Variants in TRIM66 observed in about 807,000 individuals in gnomAD.
TRIM66 encodes the protein tripartite motif containing 66, also known as tripartite motif-containing protein 66.
Under a neutral mutation model 148.2 loss-of-function variants are expected in TRIM66, and 99 were observed. That is an observed-to-expected ratio of 0.67 (90% confidence interval 0.57 to 0.79). The LOEUF is 0.79. Ranked by LOEUF, TRIM66 falls within the 30% of genes least tolerant of loss-of-function variation. The pLI is 0.00. For missense variants in TRIM66, 1,666 were observed against 1,697.9 expected (o/e 0.98, Z 0.33); for synonymous variants, 616 against 635.9 (o/e 0.97, Z 0.47).
rs1192423531 is a variant in TRIM66, at chr11:8,640,629, C to T, written c.1746G>A (p.Gln582=). The T allele has an allele frequency of 6.4e-7, 1 of 1,551,476 alleles. No homozygotes were observed. Among genetic ancestry groups the T allele is most frequent in the Non-Finnish European group, 8.7e-7 (1 of 1,147,004 alleles). ...GCTTCAGCTTCTGGTGGTGGCCAAA[C>T]TGGACTTGGATAGAGGGTGTCTGTA... ...PTLQTPSIQV[Q]FGHHQKLKLS... Residue 582 remains glutamine, a synonymous_variant, in exon 14 of 25, where the codon CAG becomes CAA. Transcript: ENST00000646038.
Position 8,645,843 on chromosome 11 carries a change from C to T in TRIM66, c.1002G>A (p.Gln334=). The T allele has an allele frequency of 1.3e-6, 2 of 1,551,738 alleles. No homozygotes were observed. Among genetic ancestry groups the T allele is most frequent in the Non-Finnish European group, 8.7e-7 (1 of 1,147,006 alleles). The change falls in exon 12 of 25, where the codon CAG becomes CAA. Residue 334 remains glutamine (Q), a synonymous_variant. Transcript: ENST00000646038. The part of the protein sequence containing the change: ...ERKRKLEQQL[Q]SIMVLNRQFE... ...ACTGACGGTTGAGAACCATGATGCT[C>T]TGTAACTGCTGTTCCAGCTTCCGCT...
rs1396355494 is a variant in TRIM66, at chr11:8,621,707, G to C, written c.3193C>G (p.Gln1065Glu). 7.1e-6 allele frequency: 11 copies of C among 1,551,738 alleles called. No individual in the cohort carries two copies. Among genetic ancestry groups the C allele is most frequent in the Middle Eastern group, 1.7e-4 (1 of 5,988 alleles). Residue 1065 changes from glutamine to glutamate, a missense_variant, in exon 19 of 25, where the codon CAG (glutamine) becomes GAG (glutamate). Coordinates refer to ENST00000646038, the MANE Select transcript of TRIM66 (RefSeq NM_001388022.1). ...VFKLKPQKND[Q>E]DGSFLLIIEC... The stretch of plus-strand genomic sequence containing the variant: ...ATGATCAGCAGGAAGCTCCCATCCT[G>C]ATCATTCTTCTGTGGCTTCAGTTTG...
chr11:8,620,671 C>T (rs7950166), intron 20 of TRIM66, 99 bp from the exon 21 acceptor site: 906,534 of 1,465,104 alleles, frequency 0.62, 283,377 homozygotes, highest in Non-Finnish European at 0.64. Flanking sequence ...ACTGAGTCTC[C>T]GGCTTTGCCG....
Position 8,617,063 on chromosome 11 carries a change from CT to C in TRIM66, c.*880del, listed in dbSNP as rs1285518587. The C allele has an allele frequency of 6.6e-6, 1 of 152,222 alleles. No individual in the cohort carries two copies. The highest frequency in any genetic ancestry group is 2.4e-5 in the African/African-American group (1 of 41,426). The allele number at this position is 152,222 out of a possible 1,614,324, so 9.4% of individuals were successfully genotyped here. ...CAAGCAGAACTCACGATCCATACCT[CT>C]GAATGAGGATGATGAAGGGTATGGC... On this transcript the variant is annotated 3_prime_UTR_variant, in exon 25 of 25. Transcript: ENST00000646038.
In TRIM66 at chr11:8,612,402, C is replaced by A. The variant is rs2033452109; in HGVS notation, c.*5542G>T. The A allele has an allele frequency of 2.0e-5, 3 of 152,204 alleles. No individual in the cohort carries two copies. Among genetic ancestry groups the A allele is most frequent in the Admixed American group, 2.0e-4 (3 of 15,276 alleles). 9.4% of individuals were successfully genotyped at this position (152,204 alleles called of 1,614,324 possible). The stretch of plus-strand genomic sequence containing the variant: ...TGAGAGTTAAAATCATAATTAACAT[C>A]TTTACAGCTGGAGAGCTGAGAGATC... On this transcript the variant is annotated 3_prime_UTR_variant, in exon 25 of 25. Coordinates refer to ENST00000646038, the MANE Select transcript of TRIM66 (RefSeq NM_001388022.1).
At chr11:8,665,546 G>A (rs2038533440) in intron 6 of TRIM66, among the ~76,000 whole-genome samples, 1 of 152,112 alleles carries the variant, frequency 6.6e-6, no homozygotes, top group Admixed American at 6.5e-5. Context: ...TTTCATCTCT[G>A]TACCCTAAAT....
chr11:8,640,737 C>A lies in TRIM66; in HGVS notation c.1638G>T (p.Arg546=), dbSNP rs2036309870. The A allele has an allele frequency of 1.3e-6, 2 of 1,551,428 alleles. No individual in the cohort carries two copies. Among genetic ancestry groups the A allele is most frequent in the African/African-American group, 1.4e-5 (1 of 73,152 alleles). ...GCTGGGAAGTCAGCTGCTGCCCCAG[C>A]CGCTGGGATGTGCTCTCCTGCTCCA... ...PPVEQESTSQ[R]LGQQLTSQPV... is the part of the protein sequence containing the mutation. The change falls in exon 14 of 25, where the codon CGG becomes CGT. Residue 546 remains arginine (R), a synonymous_variant. Coordinates refer to ENST00000646038, the MANE Select transcript of TRIM66 (RefSeq NM_001388022.1).
Position 8,651,846 on chromosome 11 carries a change from T to A in TRIM66, c.398A>T (p.His133Leu). 6.4e-7 allele frequency: 1 copy of A among 1,551,600 alleles called. No individual in the cohort carries two copies. Among genetic ancestry groups the A allele is most frequent in the Non-Finnish European group, 8.7e-7 (1 of 1,146,986 alleles). Residue 133 changes from histidine (H) to leucine (L), a missense_variant, in exon 7 of 25, where the codon CAT (histidine) becomes CTT (leucine). By Grantham distance (99) the His-to-Leu change is moderately conservative. This residue lies in a region of TRIM66 where 1,431 missense variants were observed against 1,412.4 expected (regional missense o/e 1.01). Transcript: ENST00000646038. Reference sequence around the variant, plus strand: ...AGTAGGAACACAATGCAGAAAAAAATGTTCAGTTACATCCCTGGTAAGATA... The same window carrying A: ...AGTAGGAACACAATGCAGAAAAAAAAGTTCAGTTACATCCCTGGTAAGATA... Reference protein sequence around the residue: ...RVYLTRDVTEHFFLHCVPTEQ... With the variant: ...RVYLTRDVTELFFLHCVPTEQ...
At chr11:8,662,125 C>T (rs1193972521) in intron 6 of TRIM66, among the ~76,000 whole-genome samples, 2 of 152,214 alleles carry the variant, frequency 1.3e-5, no homozygotes, top group African/African-American at 4.8e-5. Context: ...GCACCTGCTG[C>T]ACACCCAGCT....
At chr11:8,661,338 T>C (rs2133383969) in intron 6 of TRIM66, among the ~76,000 whole-genome samples, 1 of 152,350 alleles carries the variant, frequency 6.6e-6, no homozygotes, top group South Asian at 2.1e-4. Flanking sequence ...TGAAACAGGC[T>C]TTCTGTGCCA....
chr11:8,651,745 G>C (rs375679913), intron 7 of TRIM66, 55 bp downstream of exon 7: 1 of 1,349,048 alleles, frequency 7.4e-7, no homozygotes, highest in African/African-American at 1.5e-5. Context: ...TTATGGACAG[G>C]GGCCTCACAG....
At chr11:8,648,808 C>T (rs2037093950) in intron 8 of TRIM66, among the ~76,000 whole-genome samples, 2 of 152,228 alleles carry the variant, frequency 1.3e-5, no homozygotes, top group Non-Finnish European at 1.5e-5. Flanking sequence ...GAGGAAGGCG[C>T]TTGCTACTAC....
chr11:8,672,215 C>G (rs191948394), intron 5 of TRIM66, 33 bp downstream of exon 5: 2 of 1,536,130 alleles, frequency 1.3e-6, no homozygotes, highest in Admixed American at 3.9e-5. Flanking sequence ...CTCTCCAGAG[C>G]TGGAGGCTCA....
At chr11:8,621,586 G>A in intron 19 of TRIM66, 59 bp downstream of exon 19, 1 of 1,458,440 alleles carries the variant, frequency 6.9e-7, no homozygotes, top group Non-Finnish European at 9.1e-7. Flanking sequence ...GGCAGTAGCA[G>A]AAAGAATAAG....
intron 22 of TRIM66, among the ~76,000 whole-genome samples, chr11:8,619,831 TA>T (rs1423514599): frequency 6.6e-6 from 1 of 152,226 alleles, no homozygotes; most frequent in Non-Finnish European, 1.5e-5. Context: ...ATATTGTCAC[TA>T]CTCCCAGTGG....
Position 8,622,859 on chromosome 11 carries a change from G to A in TRIM66, c.3037C>T (p.Gln1013Ter), listed in dbSNP as rs1565478489. The A allele has an allele frequency of 1.3e-6, 2 of 1,551,966 alleles. No homozygotes were observed. The highest frequency in any genetic ancestry group is 1.4e-5 in the African/African-American group (1 of 73,162). ...TTTGCATCCAGCTCTAGGGCTCCTT[G>A]TTCAAAATTCTCACACTCTAAGGCA... ...QNPKECENFE[Q>*]GALELDAKEN... Residue 1013 changes from glutamine to a stop codon, truncating the protein, a stop_gained, in exon 18 of 25, where the codon CAA (glutamine) becomes TAA (stop). Coordinates refer to ENST00000646038, the MANE Select transcript of TRIM66 (RefSeq NM_001388022.1). LOFTEE classifies it high-confidence loss of function.
intron 6 of TRIM66, chr11:8,658,913 C>A (rs776808474): frequency 7.3e-6 from 4 of 548,966 alleles, no homozygotes; most frequent in Non-Finnish European, 4.6e-6. Context: ...GCCATAGTGA[C>A]CAATTGTCCG....
At position 8,621,301 on chromosome 11, in the gene TRIM66, A is replaced by T; in HGVS notation, c.3276T>A (p.Ser1092=). 1 of 1,551,572 alleles carries T rather than the reference A, an allele frequency of 6.4e-7. No homozygotes were observed. Among genetic ancestry groups the T allele is most frequent in the East Asian group, 2.4e-5 (1 of 40,918 alleles). Residue 1092 remains serine (S), a synonymous_variant, in exon 20 of 25, where the codon TCT becomes TCA. Coordinates refer to ENST00000646038, the MANE Select transcript of TRIM66 (RefSeq NM_001388022.1). The part of the protein sequence containing the change: ...MSIKVSQDRL[S]EATQAPGLEG... ...CCAGACCTGGGGCCTGGGTGGCCTC[A>T]GACAGTCTGTCCTGGCTGACCTTGG...
At chr11:8,622,365 C>CACACACACACACACACATATAT in intron 18 of TRIM66, among the ~76,000 whole-genome samples, 5 of 59,610 alleles carry the variant, frequency 8.4e-5, no homozygotes, top group Admixed American at 1.6e-4. Flanking sequence ...CACACACACA[C>CACACACACACACACACATATAT]ATATATATAT....
Sources: allele counts gnomAD v4.1 joint callset (sites outside exome capture counted in the v4.1 genomes callset), GRCh38; gene constraint gnomAD v4.1.1; regional missense constraint gnomAD v4.1.1; transcripts MANE v1.5; gene names NCBI Gene and HGNC (gene_info 2026-07-23, HGNC 2026-07-21).